LMBRD2: variants seen among roughly 807,000 people sequenced by gnomAD.
The protein encoded by LMBRD2 is G protein-coupled receptor-associated protein LMBRD2.
LMBRD2 carries 55 observed loss-of-function variants against 94.4 expected under a neutral mutation model. The observed-to-expected ratio is 0.58, with a 90% CI of 0.47 to 0.73. The LOEUF is 0.73. LMBRD2 is among the 30% of genes least tolerant of loss of function. The pLI, the probability that LMBRD2 is intolerant of heterozygous loss-of-function variation, is 0.00. For missense variants in LMBRD2, 640 were observed against 831.9 expected (o/e 0.77, Z 2.84); for synonymous variants, 246 against 272.4 (o/e 0.90, Z 0.95).
At chr5:36,107,801 C>G (rs1454188779) in intron 16 of LMBRD2, among the ~76,000 whole-genome samples, 2 of 152,182 alleles carry the variant, frequency 1.3e-5, no homozygotes, top group African/African-American at 4.8e-5. Context: ...GTGCTCAGTG[C>G]AAAACTTGTA....
At chr5:36,131,420 C>T (rs1007769357) in intron 6 of LMBRD2, among the ~76,000 whole-genome samples, 12 of 151,954 alleles carry the variant, frequency 7.9e-5, no homozygotes, top group Non-Finnish European at 1.6e-4. Flanking sequence ...CTTTAAGATC[C>T]ATAACAAGAC....
At chr5:36,114,570 C>T (rs1271420221) in intron 12 of LMBRD2, 49 bp from the exon 13 acceptor site, 2 of 1,460,988 alleles carry the variant, frequency 1.4e-6, no homozygotes, top group Non-Finnish European at 9.0e-7. Context: ...TCTATAATTT[C>T]CATTCCTTTC....
In LMBRD2 at chr5:36,117,756, T is replaced by C. The variant is rs148342800; in HGVS notation, c.1281A>G (p.Thr427=). The C allele has an allele frequency of 1.2e-6, 2 of 1,605,338 alleles. No individual in the cohort carries two copies. Among genetic ancestry groups the C allele is most frequent in the Non-Finnish European group, 1.7e-6 (2 of 1,176,718 alleles). Reference sequence around the variant, plus strand: ...TGACCTCGATATAAATATAATTATATGTTTTTTCTGCCAGCTGTATGAAGA... The same window carrying C: ...TGACCTCGATATAAATATAATTATACGTTTTTTCTGCCAGCTGTATGAAGA... ...FAVFIQLAEK[T]YNYIYIEIAC... The change falls in exon 10 of 18, where the codon ACA becomes ACG. Residue 427 remains threonine (T), a synonymous_variant. Coordinates refer to ENST00000296603, the MANE Select transcript of LMBRD2 (RefSeq NM_001007527.2).
At chr5:36,142,034 C>A (rs933867311) in intron 3 of LMBRD2, among the ~76,000 whole-genome samples, 2 of 152,068 alleles carry the variant, frequency 1.3e-5, no homozygotes, top group Admixed American at 6.5e-5. Flanking sequence ...AATCTTTGGA[C>A]AATTTGAACT....
At chr5:36,120,332 G>A (rs770618858) in intron 9 of LMBRD2, among the ~76,000 whole-genome samples, 4 of 151,286 alleles carry the variant, frequency 2.6e-5, no homozygotes, top group South Asian at 2.1e-4. Flanking sequence ...GCACAATCTC[G>A]GCTCACTGCA....
At chr5:36,125,578 A>G (rs1743989996) in intron 6 of LMBRD2, among the ~76,000 whole-genome samples, 2 of 152,172 alleles carry the variant, frequency 1.3e-5, no homozygotes. Context: ...TTCAAAATTG[A>G]TATCATGTAA....
chr5:36,132,786 T>C (rs1400268148), intron 6 of LMBRD2, among the ~76,000 whole-genome samples: 1 of 151,968 alleles, frequency 6.6e-6, no homozygotes, highest in Non-Finnish European at 1.5e-5. Context: ...GTTATAGCAA[T>C]TGTAAATGGG....
Position 36,124,230 on chromosome 5 carries a change from A to T in LMBRD2, c.783T>A (p.Asn261Lys). The change falls in exon 7 of 18, where the codon AAT becomes AAA. Residue 261 changes from asparagine (N) to lysine (K), a missense_variant. Transcript: ENST00000296603. ...VRKVNESIKY[N>K]HPLRKCVDTI... The stretch of plus-strand genomic sequence containing the variant: ...TATCAACACATTTTCTCAATGGGTG[A>T]TTATACTTGATGCTTTCATTCACTT... The T allele has an allele frequency of 1.3e-6, 2 of 1,590,040 alleles. No individual in the cohort carries two copies. Among genetic ancestry groups the T allele is most frequent in the East Asian group, 2.2e-5 (1 of 44,516 alleles).
At position 36,098,540 on chromosome 5, in the gene LMBRD2, A is replaced by C. The variant is rs949319979; in HGVS notation, c.*5506T>G. 3 of 152,092 alleles carry C rather than the reference A, an allele frequency of 2.0e-5. No homozygotes were observed. The highest frequency in any genetic ancestry group is 7.2e-5 in the African/African-American group (3 of 41,460). 9.4% of individuals were successfully genotyped at this position (152,092 alleles called of 1,614,324 possible). A position where few individuals can be genotyped will look rare whatever the true frequency, so the allele number is the denominator to read the frequency against. ...TCAAATGAAGTAAAATATATAAACA[A>C]TCAGCAAAATTCTTATTAACTTGTA... On this transcript the variant is annotated 3_prime_UTR_variant, in exon 18 of 18. Transcript: ENST00000296603.
At chr5:36,142,260 G>A (rs1011106865) in intron 3 of LMBRD2, among the ~76,000 whole-genome samples, 10 of 152,236 alleles carry the variant, frequency 6.6e-5, no homozygotes, top group Admixed American at 3.9e-4. Flanking sequence ...AAAAAATCAG[G>A]ACTTCTTCAA....
In LMBRD2 at chr5:36,102,415, C is replaced by T. The variant is rs937776022; in HGVS notation, c.*1631G>A. The T allele has an allele frequency of 6.6e-6, 1 of 151,858 alleles. No individual in the cohort carries two copies. Among genetic ancestry groups the T allele is most frequent in the Admixed American group, 6.6e-5 (1 of 15,230 alleles). The allele number at this position is 151,858 out of a possible 1,614,324, so 9.4% of individuals were successfully genotyped here. A position where few individuals can be genotyped will look rare whatever the true frequency, so the allele number is the denominator to read the frequency against. ...TAAATTACAAAGAGGATCAAATTAT[C>T]TCTGCTCCTGGCTTATTGCTTTCTG... On this transcript the variant is annotated 3_prime_UTR_variant, in exon 18 of 18. Transcript: ENST00000296603.
chr5:36,113,339 T>G (rs1743660310), intron 13 of LMBRD2, among the ~76,000 whole-genome samples: 1 of 151,614 alleles, frequency 6.6e-6, no homozygotes, highest in Non-Finnish European at 1.5e-5. Context: ...CCCCTTAGAG[T>G]TGTAAGCCCT....
At position 36,124,404 on chromosome 5, in the gene LMBRD2, T is replaced by C; in HGVS notation, c.748-139A>G. On this transcript the variant is annotated intron_variant, in intron 6 of 17. Transcript: ENST00000296603. ...TACTTTGCATTACATGAATAAAGGTTCTTAAGAACACAAGTAAAAATACAA... is the reference window on the plus strand; with the variant it reads ...TACTTTGCATTACATGAATAAAGGTCCTTAAGAACACAAGTAAAAATACAA... 3 of 531,600 alleles carry C rather than the reference T, an allele frequency of 5.6e-6. No individual in the cohort carries two copies. The South Asian group carries it at 9.3e-5, about 16-fold the overall frequency. The allele number at this position is 531,600 out of a possible 1,614,324, so 32.9% of individuals were successfully genotyped here.
chr5:36,120,482 A>G (rs1743864393), intron 9 of LMBRD2, among the ~76,000 whole-genome samples: 1 of 152,092 alleles, frequency 6.6e-6, no homozygotes, highest in Non-Finnish European at 1.5e-5. Flanking sequence ...GATGGTCTCA[A>G]TCTCTTGACC....
At chr5:36,141,240 G>T in intron 3 of LMBRD2, 38 bp from the exon 4 acceptor site, 3 of 1,171,662 alleles carry the variant, frequency 2.6e-6, no homozygotes, top group South Asian at 1.3e-5. Flanking sequence ...AATCATAAAT[G>T]ACTACTTAAA....
intron 6 of LMBRD2, among the ~76,000 whole-genome samples, chr5:36,130,608 T>A (rs1744129652): frequency 6.6e-6 from 1 of 152,128 alleles, no homozygotes; most frequent in Non-Finnish European, 1.5e-5. Context: ...GTAAATGAAC[T>A]AAACTCTTCA....
At position 36,105,187 on chromosome 5, in the gene LMBRD2, T is replaced by C. The variant is rs1743436303; in HGVS notation, c.1908A>G (p.Lys636=). The C allele has an allele frequency of 3.7e-6, 6 of 1,611,844 alleles. No homozygotes were observed. In the Middle Eastern group the frequency reaches 4.9e-4, roughly 133 times the overall value. The change falls in exon 17 of 18, where the codon AAA becomes AAG. Residue 636 remains lysine (K), a synonymous_variant. Transcript: ENST00000296603. ...CAGTCCTGTTATTAGCCCTGGTATA[T>C]TTGAATGCAGCTGCAAAGGAAGGGG... ...SDVNTNRSAF[K]YTRANNRTER... is the part of the protein sequence containing the mutation.
chr5:36,130,273 A>G (rs1365404666), intron 6 of LMBRD2, among the ~76,000 whole-genome samples: 1 of 152,182 alleles, frequency 6.6e-6, no homozygotes, highest in Non-Finnish European at 1.5e-5. Context: ...AATAACAAAA[A>G]GTTAAAAATT....
At position 36,117,802 on chromosome 5, in the gene LMBRD2, G is replaced by A. The variant is rs1743793714; in HGVS notation, c.1235C>T (p.Pro412Leu). Residue 412 changes from proline (P) to leucine (L), a missense_variant, in exon 10 of 18, where the codon CCT becomes CTT. Physicochemically the swap from Pro to Leu is moderately conservative, Grantham distance 98. This residue lies in a region of LMBRD2 where 457 missense variants were observed against 642.8 expected (regional missense o/e 0.71). Transcript: ENST00000296603. The part of the protein sequence containing the change: ...WSECTFFSTT[P>L]VLSLFAVFIQ... ...GAAGACCGCAAAGAGGGATAAGACA[G>A]GAGTAGTGCTAAAGAATGTGCACTC... The A allele has an allele frequency of 6.2e-7, 1 of 1,613,682 alleles. No homozygotes were observed. Among genetic ancestry groups the A allele is most frequent in the Admixed American group, 1.7e-5 (1 of 60,000 alleles).
Sources: gnomAD v4.1 joint callset for allele counts (sites outside exome capture counted in the v4.1 genomes callset) on GRCh38, gnomAD v4.1.1 for gene constraint, gnomAD v4.1.1 regional missense constraint, MANE v1.5 for transcripts, NCBI Gene and HGNC (gene_info 2026-07-23, HGNC 2026-07-21) for gene names.